The following WNT9B variants were observed in gnomAD, a reference collection of about 807,000 sequenced individuals.
The protein encoded by WNT9B is Wnt family member 9B, also known as protein Wnt-9b.
A neutral mutation model predicts 30.2 loss-of-function variants in WNT9B; 12 were observed. That is an observed-to-expected ratio of 0.40 (90% CI 0.26 to 0.64). The LOEUF (loss-of-function observed/expected upper bound fraction) is 0.64, where lower values mean the gene tolerates loss of function less well. Among genes scored for constraint, WNT9B ranks in the 30% least tolerant of loss-of-function variants. The pLI is 0.42. For synonymous variants in WNT9B, 218 were observed against 216.9 expected (o/e 1.01, Z -0.05); for missense variants, 442 against 485.2 (o/e 0.91, Z 0.84).
intron 1 of WNT9B, among the ~76,000 whole-genome samples, chr17:46,872,266 G>A (rs2085257595): frequency 6.6e-6 from 1 of 152,302 alleles, no homozygotes; most frequent in East Asian, 1.9e-4. Flanking sequence ...TGGGCCAATA[G>A]GGAAATAGGA....
At position 46,876,628 on chromosome 17, in the gene WNT9B, C is replaced by T. The variant is rs748338723; in HGVS notation, c.984C>T (p.Ala328=). 3 of 1,610,362 alleles carry T rather than the reference C, an allele frequency of 1.9e-6. No individual in the cohort carries two copies. In the East Asian group the frequency reaches 6.7e-5, roughly 36 times the overall value. ...RGYDTQSRLV[A]FSCHCQVQWC... ...ATGACACCCAGAGCCGCCTGGTGGC[C>T]TTCTCCTGCCACTGCCAGGTGCAGT... The change falls in exon 4 of 4, where the codon GCC becomes GCT. Residue 328 remains alanine, a synonymous_variant. Coordinates refer to ENST00000290015, the MANE Select transcript of WNT9B (RefSeq NM_003396.3).
At chr17:46,884,541 A>C (rs909775519), downstream of WNT9B, among the ~76,000 whole-genome samples, 22 of 152,344 alleles carry the variant, frequency 1.4e-4, no homozygotes, top group African/African-American at 5.1e-4. Context: ...ACAGAGGCCC[A>C]GGGTTTGGTA....
At position 46,872,793 on chromosome 17, in the gene WNT9B, G is replaced by C; in HGVS notation, c.334+20G>C. On this transcript the variant is annotated intron_variant, in intron 2 of 3. Coordinates refer to ENST00000290015, the MANE Select transcript of WNT9B (RefSeq NM_003396.3). ...AGAGAGGTGGGGAGGAGGGCTAGGG[G>C]ACGGGGAGGGCTGGGGGAAGAAGCC... The C allele has an allele frequency of 1.5e-6, 2 of 1,360,760 alleles. No individual in the cohort carries two copies. The highest frequency in any genetic ancestry group is 2.1e-6 in the Non-Finnish European group (2 of 965,470). 84.3% of individuals were successfully genotyped at this position (1,360,760 alleles called of 1,614,324 possible).
At chr17:46,870,593 C>T (rs2085224467) in intron 1 of WNT9B, among the ~76,000 whole-genome samples, 1 of 144,110 alleles carries the variant, frequency 6.9e-6, no homozygotes, top group Admixed American at 6.8e-5. Flanking sequence ...GATGGGTTGA[C>T]TGCACCTGAT....
chr17:46,840,183 T>C (rs973006163), intron 1 of WNT9B, among the ~76,000 whole-genome samples: 8 of 151,808 alleles, frequency 5.3e-5, no homozygotes, highest in African/African-American at 1.9e-4. Context: ...GCCTCCTGGA[T>C]TCATGCCATT....
chr17:46,839,901 C>A (rs2084679246), intron 1 of WNT9B, among the ~76,000 whole-genome samples: 1 of 150,218 alleles, frequency 6.7e-6, no homozygotes, highest in South Asian at 2.1e-4. Flanking sequence ...GTATATGTGC[C>A]ACATTTTCTC....
At chr17:46,851,369 G>T (rs1019002808), upstream of WNT9B, among the ~76,000 whole-genome samples, 2 of 151,078 alleles carry the variant, frequency 1.3e-5, 1 homozygote, top group Non-Finnish European at 3.0e-5. The surrounding 1 kb of genome is among the most constrained non-coding windows in gnomAD (Gnocchi z 4.3). Context: ...CCAGGTGAGC[G>T]CTCACCTGGG....
upstream of WNT9B, among the ~76,000 whole-genome samples, chr17:46,849,695 G>C (rs891576790): frequency 1.3e-5 from 2 of 152,154 alleles, no homozygotes; most frequent in African/African-American, 2.4e-5. Flanking sequence ...GCCATGATGG[G>C]AATATTTAAG....
chr17:46,880,343 G>A lies in WNT9B; in HGVS notation c.*3625G>A, dbSNP rs1186951275. Among the ~76,000 whole-genome samples the A allele has an allele frequency of 3.3e-5, 5 of 152,138 alleles. No individual in the cohort carries two copies. The highest frequency in any genetic ancestry group is 5.9e-5 in the Non-Finnish European group (4 of 68,038). On this transcript the variant is annotated 3_prime_UTR_variant, in exon 4 of 4. Coordinates refer to ENST00000290015, the MANE Select transcript of WNT9B (RefSeq NM_003396.3). ...TGAACTTCAAATGCTTTCTGTCTCAGGACACTTTAGAATAACAATGGAAGC... is the reference window on the plus strand; with the variant it reads ...TGAACTTCAAATGCTTTCTGTCTCAAGACACTTTAGAATAACAATGGAAGC...
At chr17:46,849,088 A>G (rs2084809151), upstream of WNT9B, among the ~76,000 whole-genome samples, 1 of 152,194 alleles carries the variant, frequency 6.6e-6, no homozygotes, top group Non-Finnish European at 1.5e-5. Context: ...GCTGGAAGGC[A>G]CCCCAGCAGA....
chr17:46,874,947 A>G (rs1429979957), intron 2 of WNT9B, 154 bp from the exon 3 acceptor site: 3 of 1,175,912 alleles, frequency 2.6e-6, no homozygotes, highest in South Asian at 1.2e-5. Context: ...ACCCACCCGG[A>G]GCTGTGTCCT....
At chr17:46,843,785 C>G (rs1482750221) in intron 1 of WNT9B, among the ~76,000 whole-genome samples, 1 of 152,202 alleles carries the variant, frequency 6.6e-6, no homozygotes, top group African/African-American at 2.4e-5. Context: ...CTAGTTTACA[C>G]TTATATAGAT....
At chr17:46,835,307 G>A (rs2084614534) in intron 1 of WNT9B, among the ~76,000 whole-genome samples, 1 of 152,138 alleles carries the variant, frequency 6.6e-6, no homozygotes, top group Admixed American at 6.6e-5. Context: ...CGCCTCCCGG[G>A]TTCACGCCAT....
chr17:46,880,663 A>C (rs1343865354), downstream of WNT9B, among the ~76,000 whole-genome samples: 1 of 152,200 alleles, frequency 6.6e-6, no homozygotes, highest in Non-Finnish European at 1.5e-5. Context: ...CCTCATTGCA[A>C]CTGGCAGGCA....
At position 46,876,358 on chromosome 17, in the gene WNT9B, G is replaced by T; in HGVS notation, c.714G>T (p.Leu238=). ...LSPFRETGQV[L]KLRYDSAVKV... ...CGTTCCGTGAGACGGGCCAGGTGCT[G>T]AAACTGCGCTATGACTCGGCTGTCA... The change falls in exon 4 of 4, where the codon CTG becomes CTT. Residue 238 remains leucine (L), a synonymous_variant. Transcript: ENST00000290015. 6.2e-7 allele frequency: 1 copy of T among 1,614,094 alleles called. No homozygotes were observed. Among genetic ancestry groups the T allele is most frequent in the Non-Finnish European group, 8.5e-7 (1 of 1,180,050 alleles).
intron 1 of WNT9B, among the ~76,000 whole-genome samples, chr17:46,864,786 G>A (rs902494492): frequency 2.0e-5 from 3 of 152,130 alleles, no homozygotes; most frequent in Admixed American, 6.5e-5. Flanking sequence ...CCAGTGGGTC[G>A]CCTTGGACGA....
chr17:46,875,961 T>C (rs1286167091), intron 3 of WNT9B, among the ~76,000 whole-genome samples: 1 of 152,046 alleles, frequency 6.6e-6, no homozygotes, highest in Non-Finnish European at 1.5e-5. Flanking sequence ...TGTTCAATCA[T>C]TGAGTTGGTG....
At chr17:46,848,161 A>G (rs1425151921), upstream of WNT9B, among the ~76,000 whole-genome samples, 1 of 152,190 alleles carries the variant, frequency 6.6e-6, no homozygotes, top group Non-Finnish European at 1.5e-5. Flanking sequence ...GCTGCCCAGG[A>G]ATGTAGACAC....
At chr17:46,870,337 C>T (rs2146594312) in intron 1 of WNT9B, among the ~76,000 whole-genome samples, 1 of 152,358 alleles carries the variant, frequency 6.6e-6, no homozygotes, top group East Asian at 1.9e-4. Flanking sequence ...GCCTCCTCAG[C>T]TGGAGTTGAC....
Sources: allele counts gnomAD v4.1 joint callset (sites outside exome capture counted in the v4.1 genomes callset), GRCh38; gene constraint gnomAD v4.1.1; non-coding constraint Gnocchi (gnomAD v3.1); transcripts MANE v1.5; gene names NCBI Gene and HGNC (gene_info 2026-07-23, HGNC 2026-07-21).